CNIH3: variants seen among roughly 807,000 people sequenced by gnomAD.
CNIH3 encodes protein cornichon homolog 3.
CNIH3 carries 14 observed loss-of-function variants against 24.1 expected under a neutral mutation model. The observed-to-expected ratio is 0.58, with a 90% CI of 0.38 to 0.91. The LOEUF (loss-of-function observed/expected upper bound fraction) is 0.91, where lower values mean the gene tolerates loss of function less well. CNIH3 is among the 40% of genes least tolerant of loss of function. CNIH3 has a pLI of 0.00. For missense variants in CNIH3, 178 were observed against 196.8 expected, an observed-to-expected ratio of 0.90 and a Z score of 0.57; for synonymous variants, 68 against 73.8, an observed-to-expected ratio of 0.92 and a Z score of 0.40.
At chr1:224,544,124 T>C (rs1679614061) in intron 2 of CNIH3, among the ~76,000 whole-genome samples, 1 of 152,234 alleles carries the variant, frequency 6.6e-6, no homozygotes, top group Non-Finnish European at 1.5e-5. Flanking sequence ...ACCATGGCAT[T>C]AGCTGAGATA....
intron 5 of CNIH3, among the ~76,000 whole-genome samples, chr1:224,587,857 G>A (rs1233124335): frequency 4.0e-5 from 6 of 151,864 alleles, no homozygotes; most frequent in African/African-American, 1.5e-4. Context: ...TGGGAGGATT[G>A]CTTGAGCCAG....
chr1:224,729,141 TG>T (rs1214806647), intron 3 of CNIH3, among the ~76,000 whole-genome samples: 2 of 152,064 alleles, frequency 1.3e-5, no homozygotes, highest in Non-Finnish European at 2.9e-5. Flanking sequence ...CTGGGGACGG[TG>T]GCTCGTACCT....
intron 3 of CNIH3, among the ~76,000 whole-genome samples, chr1:224,718,417 G>A (rs547082318): frequency 6.6e-6 from 1 of 152,344 alleles, no homozygotes; most frequent in East Asian, 1.9e-4. Flanking sequence ...GGGAGTGAGT[G>A]GCGGGTTGTA....
chr1:224,482,463 T>TATCA (rs945240135), intron 1 of CNIH3, among the ~76,000 whole-genome samples: 3 of 152,046 alleles, frequency 2.0e-5, no homozygotes, highest in African/African-American at 7.2e-5. Flanking sequence ...TGATAAATCC[T>TATCA]ATCAGGAATA....
chr1:224,478,426 C>A (rs547783931), intron 1 of CNIH3, among the ~76,000 whole-genome samples: 8 of 152,238 alleles, frequency 5.3e-5, no homozygotes, highest in African/African-American at 1.7e-4. Flanking sequence ...TTGATCAGTT[C>A]TGCTATTAAG....
chr1:224,621,227 C>G (rs1018606253), intron 1 of CNIH3, among the ~76,000 whole-genome samples: 5 of 152,210 alleles, frequency 3.3e-5, no homozygotes, highest in Admixed American at 1.3e-4. Flanking sequence ...TTAAATGGCC[C>G]TGGACAGGGA....
At chr1:224,452,211 G>A (rs570812257) in intron 1 of CNIH3, among the ~76,000 whole-genome samples, 5 of 149,600 alleles carry the variant, frequency 3.3e-5, no homozygotes, top group South Asian at 2.1e-4. Context: ...GTGCGGTGGC[G>A]CGATCTCGGT....
intron 4 of CNIH3, among the ~76,000 whole-genome samples, chr1:224,570,792 C>T (rs980928161): frequency 6.6e-6 from 1 of 152,032 alleles, no homozygotes; most frequent in Non-Finnish European, 1.5e-5. Context: ...AATCACATTG[C>T]CTATATTATC....
At chr1:224,463,061 C>T (rs1675993691) in intron 1 of CNIH3, among the ~76,000 whole-genome samples, 1 of 151,656 alleles carries the variant, frequency 6.6e-6, no homozygotes, top group Admixed American at 6.6e-5. Flanking sequence ...CCACACCCAG[C>T]TAATTTTTGT....
intron 1 of CNIH3, among the ~76,000 whole-genome samples, chr1:224,452,583 C>T (rs1348446812): frequency 2.7e-5 from 4 of 148,378 alleles, no homozygotes; most frequent in East Asian, 2.1e-4. Context: ...AGATTGAGAC[C>T]ATCCTGGCTA....
At chr1:224,487,581 A>C (rs1304905898) in intron 1 of CNIH3, among the ~76,000 whole-genome samples, 1 of 152,212 alleles carries the variant, frequency 6.6e-6, no homozygotes, top group Non-Finnish European at 1.5e-5. Flanking sequence ...TATCATCTGC[A>C]GCTATTTAAA....
intron 1 of CNIH3, among the ~76,000 whole-genome samples, chr1:224,519,832 T>C (rs1489835495): frequency 6.6e-6 from 1 of 151,990 alleles, no homozygotes; most frequent in African/African-American, 2.4e-5. Context: ...CACATGTGGC[T>C]ATTGAGATGG....
At chr1:224,482,663 G>C (rs916637376) in intron 1 of CNIH3, among the ~76,000 whole-genome samples, 4 of 151,840 alleles carry the variant, frequency 2.6e-5, no homozygotes, top group Admixed American at 6.6e-5. Flanking sequence ...TCAAGCAGAA[G>C]GAAGGGGTCA....
At chr1:224,579,100 G>A (rs976570370) in intron 4 of CNIH3, among the ~76,000 whole-genome samples, 1 of 129,584 alleles carries the variant, frequency 7.7e-6, no homozygotes, top group African/African-American at 2.9e-5. Flanking sequence ...TTCTCTCTCT[G>A]CCTTTGGCTC....
At chr1:224,545,770 C>T (rs758747144) in intron 2 of CNIH3, among the ~76,000 whole-genome samples, 8 of 152,170 alleles carry the variant, frequency 5.3e-5, no homozygotes, top group Non-Finnish European at 1.0e-4. Context: ...CATCAGGCTT[C>T]TAGTCACTAT....
chr1:224,595,651 T>G (rs1681947699), intron 3 of CNIH3, among the ~76,000 whole-genome samples: 1 of 152,188 alleles, frequency 6.6e-6, no homozygotes, highest in African/African-American at 2.4e-5. Context: ...ATATCGAAAG[T>G]CGAGATGGGC....
chr1:224,740,368 G>C lies in CNIH3; in HGVS notation c.*1012G>C, dbSNP rs982169261. ...ATGACAAGGCTGAGATTTTTATGATGTTTAAATTGGGCACAATGATTTTGA... is the reference window on the plus strand; with the variant it reads ...ATGACAAGGCTGAGATTTTTATGATCTTTAAATTGGGCACAATGATTTTGA... On this transcript the variant is annotated 3_prime_UTR_variant, in exon 6 of 6. Coordinates refer to ENST00000272133, the MANE Select transcript of CNIH3 (RefSeq NM_152495.2). 6.6e-6 allele frequency: 1 copy of C among 152,164 alleles called. No individual in the cohort carries two copies. The highest frequency in any genetic ancestry group is 2.4e-5 in the African/African-American group (1 of 41,444). The allele number at this position is 152,164 out of a possible 1,614,324, so 9.4% of individuals were successfully genotyped here. A position where few individuals can be genotyped will look rare whatever the true frequency, so the allele number is the denominator to read the frequency against.
intron 1 of CNIH3, among the ~76,000 whole-genome samples, chr1:224,449,975 G>A (rs116014216): frequency 2.0e-5 from 3 of 150,822 alleles, no homozygotes; most frequent in Non-Finnish European, 4.4e-5. Flanking sequence ...ACACACACAC[G>A]TATATATACA....
rs181820126 is a variant in CNIH3 at position 224,492,290 on chromosome 1, C to T, written n.204-23451C>T. Among the ~76,000 whole-genome samples, 62 of 152,274 alleles carry T rather than the reference C, an allele frequency of 4.1e-4. No homozygotes were observed. In the Middle Eastern group the frequency reaches 0.014, roughly 33 times the overall value. On this transcript the variant is annotated intron_variant and non_coding_transcript_variant, in intron 1 of 5. Coordinates refer to the CNIH3 transcript ENST00000471578. ...GCAGAGCTGGTTGTTAAACACTTAC[C>T]GACACATTACTGTGTGTAGGCATTC...
Sources: gnomAD v4.1 joint callset for allele counts (sites outside exome capture counted in the v4.1 genomes callset) on GRCh38, gnomAD v4.1.1 for gene constraint, MANE v1.5 for transcripts, NCBI Gene and HGNC (gene_info 2026-07-23, HGNC 2026-07-21) for gene names.